Variants in BNC2 observed in about 807,000 individuals in gnomAD.
BNC2 encodes the protein basonuclin zinc finger protein 2.
A neutral mutation model predicts 76.3 loss-of-function variants in BNC2; 20 were observed. The observed-to-expected ratio is 0.26, with a 90% CI of 0.18 to 0.38. BNC2 has a LOEUF of 0.38. Among genes scored for constraint, BNC2 ranks in the 10% least tolerant of loss-of-function variants. The probability of loss-of-function intolerance (pLI) is 1.00; values close to 1 mark genes in which losing one functional copy is unlikely to be tolerated. For synonymous variants in BNC2, 582 were observed against 514.8 expected, an observed-to-expected ratio of 1.13 and a Z score of -1.77; for missense variants, 1,382 against 1,399.8, an observed-to-expected ratio of 0.99 and a Z score of 0.20.
chr9:16,579,690 CGTGT>C (rs757093646), intron 4 of BNC2: 1 of 157,004 alleles, frequency 6.4e-6, no homozygotes, highest in Non-Finnish European at 1.4e-5. Context: ...AGAGAATGTG[CGTGT>C]GTTTCTGTGT....
At chr9:16,462,965 G>A (rs577522202) in intron 5 of BNC2, among the ~76,000 whole-genome samples, 2 of 152,164 alleles carry the variant, frequency 1.3e-5, no homozygotes, top group Admixed American at 1.3e-4. Context: ...TCCTTCTCCA[G>A]AACCGACCAT....
intron 5 of BNC2, among the ~76,000 whole-genome samples, chr9:16,480,028 A>T (rs1822012503): frequency 6.6e-6 from 1 of 152,244 alleles, no homozygotes; most frequent in Admixed American, 6.5e-5. Context: ...ACTATGTGGC[A>T]AGTACCATTC....
chr9:16,799,963 G>C (rs1342887737), intron 1 of BNC2, among the ~76,000 whole-genome samples: 1 of 152,090 alleles, frequency 6.6e-6, no homozygotes, highest in Non-Finnish European at 1.5e-5. Flanking sequence ...GGTGGCTCAT[G>C]CCTGTAATCC....
intron 1 of BNC2, among the ~76,000 whole-genome samples, chr9:16,856,613 G>A (rs143655232): frequency 1.3e-5 from 2 of 152,256 alleles, no homozygotes; most frequent in Non-Finnish European, 2.9e-5. Flanking sequence ...CATTTACTGG[G>A]TGAAAAATAT....
chr9:16,738,664 G>T (rs1824752165), intron 1 of BNC2, among the ~76,000 whole-genome samples, 179 bp from the exon 2 acceptor site: 1 of 152,174 alleles, frequency 6.6e-6, no homozygotes, highest in Admixed American at 6.5e-5. Flanking sequence ...AAACTTTGGT[G>T]AGAACTAAAG....
chr9:16,556,126 C>G (rs1004820265), intron 4 of BNC2, among the ~76,000 whole-genome samples: 1 of 151,842 alleles, frequency 6.6e-6, no homozygotes, highest in African/African-American at 2.4e-5. Flanking sequence ...ACATTGAAAC[C>G]CTGTCTCTAC....
chr9:16,817,808 G>C (rs1003690639), intron 1 of BNC2, among the ~76,000 whole-genome samples: 1 of 152,086 alleles, frequency 6.6e-6, no homozygotes, highest in Admixed American at 6.5e-5. Context: ...CACTGCTTGG[G>C]ACACTTGGCA....
intron 1 of BNC2, among the ~76,000 whole-genome samples, chr9:16,775,397 TAAAA>T (rs34632311): frequency 2.0e-5 from 3 of 148,206 alleles, no homozygotes; most frequent in Non-Finnish European, 4.5e-5. Flanking sequence ...ATTTCGTTAT[TAAAA>T]AAAAAAAAAC....
At chr9:16,498,236 C>T (rs1432697766) in intron 5 of BNC2, among the ~76,000 whole-genome samples, 1 of 117,964 alleles carries the variant, frequency 8.5e-6, no homozygotes, top group Non-Finnish European at 1.7e-5. Context: ...TATATATATT[C>T]CATCATATAT....
At chr9:16,645,326 T>C (rs1821594140) in intron 3 of BNC2, among the ~76,000 whole-genome samples, 1 of 152,238 alleles carries the variant, frequency 6.6e-6, no homozygotes, top group African/African-American at 2.4e-5. Flanking sequence ...TACTATTCTT[T>C]ATAAAAAATT....
chr9:16,537,240 A>G (rs1818156903), intron 5 of BNC2, among the ~76,000 whole-genome samples: 1 of 152,168 alleles, frequency 6.6e-6, no homozygotes, highest in African/African-American at 2.4e-5. Context: ...ACACCTCTTT[A>G]GGACTATCTT....
chr9:16,552,973 A>T, intron 4 of BNC2, among the ~76,000 whole-genome samples: 1 of 152,098 alleles, frequency 6.6e-6, no homozygotes, highest in Non-Finnish European at 1.5e-5. Context: ...CTATTTTTTT[A>T]ATTGGATGTG....
At chr9:16,500,683 C>T (rs1353269270) in intron 5 of BNC2, among the ~76,000 whole-genome samples, 1 of 152,096 alleles carries the variant, frequency 6.6e-6, no homozygotes, top group Non-Finnish European at 1.5e-5. Flanking sequence ...GAGCAGGAGG[C>T]ATGAGGGAGG....
intron 5 of BNC2, among the ~76,000 whole-genome samples, chr9:16,456,459 G>T (rs1308337029): frequency 1.4e-5 from 2 of 147,352 alleles, no homozygotes. Flanking sequence ...TGAACCCAGG[G>T]GATGGAGCTT....
At chr9:16,688,110 T>G (rs373727162) in intron 3 of BNC2, among the ~76,000 whole-genome samples, 1 of 152,132 alleles carries the variant, frequency 6.6e-6, no homozygotes, top group South Asian at 2.1e-4. Context: ...AAATCAAAAT[T>G]GGTTCACAAA....
chr9:16,850,652 T>G (rs1439594369), intron 1 of BNC2, among the ~76,000 whole-genome samples: 1 of 152,164 alleles, frequency 6.6e-6, no homozygotes, highest in South Asian at 2.1e-4. Flanking sequence ...GAAGGATCAC[T>G]TGAGTCCAGG....
intron 1 of BNC2, among the ~76,000 whole-genome samples, chr9:16,795,251 T>A (rs1000127045): frequency 6.6e-6 from 1 of 151,856 alleles, no homozygotes; most frequent in African/African-American, 2.4e-5. Flanking sequence ...AGTAGGAAGG[T>A]TCAACACAAG....
At chr9:16,687,198 G>A (rs541804801) in intron 3 of BNC2, among the ~76,000 whole-genome samples, 2 of 149,924 alleles carry the variant, frequency 1.3e-5, no homozygotes, top group Admixed American at 6.6e-5. Context: ...ACATTTCCAA[G>A]AATTTAATTT....
chr9:16,762,778 T>C (rs1330421562), intron 1 of BNC2, among the ~76,000 whole-genome samples: 1 of 152,182 alleles, frequency 6.6e-6, no homozygotes, highest in Non-Finnish European at 1.5e-5. Flanking sequence ...GATGACTGTT[T>C]AGCATTAAAA....
Sources: gnomAD v4.1 joint callset for allele counts (sites outside exome capture counted in the v4.1 genomes callset) on GRCh38, gnomAD v4.1.1 for gene constraint, MANE v1.5 for transcripts, NCBI Gene and HGNC (gene_info 2026-07-23, HGNC 2026-07-21) for gene names.